The following SMARCD3 variants were observed in gnomAD, a reference collection of about 807,000 sequenced individuals.
The protein encoded by SMARCD3 is SWI/SNF related BAF chromatin remodeling complex subunit D3.
A neutral mutation model predicts 58.0 loss-of-function variants in SMARCD3; 14 were observed. The observed-to-expected ratio is 0.24, with a 90% CI of 0.16 to 0.38. SMARCD3 has a LOEUF of 0.38. Among genes scored for constraint, SMARCD3 ranks in the 10% least tolerant of loss-of-function variants. The probability of loss-of-function intolerance (pLI) is 1.00; values close to 1 mark genes in which losing one functional copy is unlikely to be tolerated. For synonymous variants in SMARCD3, 253 were observed against 253.8 expected (o/e 1.00, Z 0.03); for missense variants, 408 against 636.9 (o/e 0.64, Z 3.87).
intron 2 of SMARCD3, among the ~76,000 whole-genome samples, chr7:151,256,134 G>A (rs1057078699): frequency 2.0e-5 from 3 of 151,550 alleles, no homozygotes; most frequent in African/African-American, 7.3e-5. Flanking sequence ...TGCCTGCCTC[G>A]GCCTCCTGAA....
chr7:151,261,912 C>T (rs1803929371), intron 2 of SMARCD3, among the ~76,000 whole-genome samples: 2 of 152,190 alleles, frequency 1.3e-5, no homozygotes, highest in African/African-American at 4.8e-5. Context: ...GTGGGGTCTA[C>T]TCAAGCCACT....
chr7:151,252,579 C>T (rs987129435), upstream of SMARCD3, among the ~76,000 whole-genome samples: 2 of 152,162 alleles, frequency 1.3e-5, no homozygotes, highest in African/African-American at 4.8e-5. Context: ...AAACCAGGCC[C>T]CACTTTCCGC....
intron 2 of SMARCD3, among the ~76,000 whole-genome samples, chr7:151,268,488 T>G (rs1795064346): frequency 6.6e-6 from 1 of 152,094 alleles, no homozygotes; most frequent in Non-Finnish European, 1.5e-5. Flanking sequence ...GCCTTTGACC[T>G]TGAGCCTCAG....
chr7:151,250,827 T>C (rs1397704922), upstream of SMARCD3, among the ~76,000 whole-genome samples: 5 of 152,204 alleles, frequency 3.3e-5, no homozygotes, highest in Admixed American at 2.0e-4. Flanking sequence ...AACTCAACAG[T>C]ACCCCAGATA....
rs769923338 is a variant in SMARCD3 at position 151,239,100 on chromosome 7, C to A, written c.*3G>T. On this transcript the variant is annotated 3_prime_UTR_variant, in exon 13 of 13. Coordinates refer to ENST00000262188, the MANE Select transcript of SMARCD3 (RefSeq NM_001003801.2). The surrounding 1 kb of genome is among the most constrained non-coding windows in gnomAD (Gnocchi z 7.0). ...TTCCGTCGTGCTGCTTATTTTTGGG[C>A]TCCTAGGTGTTGCGCACAACCAGCG... 2.4e-5 allele frequency: 38 copies of A among 1,613,982 alleles called. No homozygotes were observed. The highest frequency in any genetic ancestry group is 3.1e-5 in the Non-Finnish European group (37 of 1,179,958).
intron 2 of SMARCD3, among the ~76,000 whole-genome samples, chr7:151,244,961 C>T (rs1803182634): frequency 6.6e-6 from 1 of 152,152 alleles, no homozygotes; most frequent in Non-Finnish European, 1.5e-5. Context: ...GTAGAGACCA[C>T]CTACCCACAG....
At chr7:151,240,305 C>CG in intron 9 of SMARCD3, 58 bp from the exon 10 acceptor site, 1 of 1,611,448 alleles carries the variant, frequency 6.2e-7, no homozygotes, top group South Asian at 1.1e-5. Flanking sequence ...CCCAGGGCCC[C>CG]GGGGCTGGGG....
intron 2 of SMARCD3, among the ~76,000 whole-genome samples, chr7:151,272,971 C>T (rs1035993571): frequency 6.6e-6 from 1 of 152,210 alleles, no homozygotes; most frequent in African/African-American, 2.4e-5. Context: ...ATTATCTCCA[C>T]CACTTAATTT....
chr7:151,265,032 T>C (rs1584893902), intron 2 of SMARCD3, among the ~76,000 whole-genome samples: 1 of 152,348 alleles, frequency 6.6e-6, no homozygotes, highest in Non-Finnish European at 1.5e-5. Flanking sequence ...CCTGAGGCTC[T>C]GACCATCTCG....
Position 151,239,264 on chromosome 7 carries a change from G to C in SMARCD3, c.1399-108C>G. ...CTGAAAGAGCATCTGGGAGCAGGGA[G>C]GGCCATTGCATGGTGAGGCAGCGTG... On this transcript the variant is annotated intron_variant, in intron 12 of 12. Coordinates refer to ENST00000262188, the MANE Select transcript of SMARCD3 (RefSeq NM_001003801.2). This position sits in a 1 kb window ranked among gnomAD's most constrained non-coding sequence, Gnocchi z 7.0. 1 of 1,375,434 alleles carries C rather than the reference G, an allele frequency of 7.3e-7. No homozygotes were observed. Among genetic ancestry groups the C allele is most frequent in the Non-Finnish European group, 1.0e-6 (1 of 964,184 alleles). 85.2% of individuals were successfully genotyped at this position (1,375,434 alleles called of 1,614,324 possible).
chr7:151,239,633 C>T lies in SMARCD3; in HGVS notation c.1287G>A (p.Arg429=). The change falls in exon 11 of 13, where the codon CGG becomes CGA. Residue 429 remains arginine, a synonymous_variant. Transcript: ENST00000262188. This position sits in a 1 kb window ranked among gnomAD's most constrained non-coding sequence, Gnocchi z 7.0. ...YVQDLLRSQS[R]DLKVMTDVAG... Reference sequence around the variant, plus strand: ...GAGTCTCCCTCTTCACCTTGAGGTCCCGGCTCTGGGAGCGGAGCAGGTCTT... The same window carrying T: ...GAGTCTCCCTCTTCACCTTGAGGTCTCGGCTCTGGGAGCGGAGCAGGTCTT... The T allele has an allele frequency of 6.2e-7, 1 of 1,614,096 alleles. No individual in the cohort carries two copies. Among genetic ancestry groups the T allele is most frequent in the South Asian group, 1.1e-5 (1 of 91,088 alleles).
rs1803395996 is a variant in SMARCD3, at chr7:151,248,667, C to T, written c.-105G>A. The T allele has an allele frequency of 1.3e-6, 2 of 1,519,852 alleles. No individual in the cohort carries two copies. Among genetic ancestry groups the T allele is most frequent in the East Asian group, 2.5e-5 (1 of 39,848 alleles). The allele number at this position is 1,519,852 out of a possible 1,614,324, so 94.1% of individuals were successfully genotyped here. On this transcript the variant is annotated 5_prime_UTR_variant, in exon 1 of 13. Coordinates refer to ENST00000262188, the MANE Select transcript of SMARCD3 (RefSeq NM_001003801.2). The surrounding 1 kb of genome is among the most constrained non-coding windows in gnomAD (Gnocchi z 6.1). ...ACTCTCCCCTCTGAGTCCTGCTGGG[C>T]TCTCTCACACTTCTACTCGAGCGGA...
At chr7:151,259,606 T>TTTG (rs1563682369) in intron 2 of SMARCD3, among the ~76,000 whole-genome samples, 1 of 109,282 alleles carries the variant, frequency 9.2e-6, no homozygotes, top group South Asian at 2.9e-4. Context: ...TGAGAGTTTT[T>TTTG]TTTTTTTTTT....
chr7:151,247,231 G>C, intron 1 of SMARCD3, among the ~76,000 whole-genome samples: 1 of 152,208 alleles, frequency 6.6e-6, no homozygotes, highest in Middle Eastern at 3.4e-3. Context: ...AAGTTGACCA[G>C]ATTAAAAAAA....
chr7:151,263,824 A>G (rs1282679099), intron 2 of SMARCD3, among the ~76,000 whole-genome samples: 1 of 152,224 alleles, frequency 6.6e-6, no homozygotes, highest in Non-Finnish European at 1.5e-5. Flanking sequence ...AATGAGGACC[A>G]TAGTACATCC....
intron 2 of SMARCD3, among the ~76,000 whole-genome samples, chr7:151,261,059 G>C (rs1476506513): frequency 2.6e-5 from 4 of 152,128 alleles, no homozygotes; most frequent in Admixed American, 2.6e-4. Context: ...GTGGGGAGGC[G>C]GCAGATGTTG....
At chr7:151,265,399 G>A (rs923488220) in intron 2 of SMARCD3, among the ~76,000 whole-genome samples, 1 of 152,162 alleles carries the variant, frequency 6.6e-6, no homozygotes, top group African/African-American at 2.4e-5. Context: ...AACCAACCCC[G>A]CTGACACCTT....
intron 2 of SMARCD3, among the ~76,000 whole-genome samples, chr7:151,264,923 G>A (rs556859477): frequency 3.3e-5 from 5 of 152,210 alleles, no homozygotes; most frequent in African/African-American, 9.6e-5. Flanking sequence ...CAGCCCAGGG[G>A]CCCAAGGACT....
In SMARCD3 at chr7:151,241,069, G is replaced by C. The variant is rs566747586; in HGVS notation, c.939+423C>G. On this transcript the variant is annotated intron_variant, in intron 8 of 12. Transcript: ENST00000262188. This position sits in a 1 kb window ranked among gnomAD's most constrained non-coding sequence, Gnocchi z 5.3. Reference sequence around the variant, plus strand: ...TGCTCAATCACTTTTGCAGCAATTTGATTTTCCTAACTGCCCAGGAGAGTA... The same window carrying C: ...TGCTCAATCACTTTTGCAGCAATTTCATTTTCCTAACTGCCCAGGAGAGTA... The C allele has an allele frequency of 4.3e-6, 1 of 232,964 alleles. No individual in the cohort carries two copies. Among genetic ancestry groups the C allele is most frequent in the Non-Finnish European group, 8.6e-6 (1 of 116,838 alleles). 14.4% of individuals were successfully genotyped at this position (232,964 alleles called of 1,614,324 possible).
Sources: gnomAD v4.1 joint callset for allele counts (sites outside exome capture counted in the v4.1 genomes callset) on GRCh38, gnomAD v4.1.1 for gene constraint, Gnocchi (gnomAD v3.1) non-coding constraint, MANE v1.5 for transcripts, NCBI Gene and HGNC (gene_info 2026-07-23, HGNC 2026-07-21) for gene names.